Variants in COA1 observed in about 807,000 individuals in gnomAD.
COA1 encodes the protein cytochrome c oxidase assembly factor 1 homolog.
COA1 carries 13 observed loss-of-function variants against 16.0 expected under a neutral mutation model. The ratio of observed to expected loss-of-function variants is 0.81; its 90% CI spans 0.53 to 1.29. The LOEUF is 1.29. COA1 is among the 50% of genes most tolerant of loss of function. The pLI is 0.00. For missense variants in COA1, 179 were observed against 177.0 expected, an observed-to-expected ratio of 1.01 and a Z score of -0.06; for synonymous variants, 65 against 65.7, an observed-to-expected ratio of 0.99 and a Z score of 0.05.
At chr7:43,638,127 C>G (rs1281290462), downstream of COA1, among the ~76,000 whole-genome samples, 1 of 152,058 alleles carries the variant, frequency 6.6e-6, no homozygotes, top group Non-Finnish European at 1.5e-5. Context: ...ATAATCTACT[C>G]AAAGAACACA....
At chr7:43,643,445 T>A (rs1034853847) in intron 4 of COA1, among the ~76,000 whole-genome samples, 4 of 152,316 alleles carry the variant, frequency 2.6e-5, no homozygotes, top group Admixed American at 6.5e-5. Context: ...ACAGACAGGC[T>A]CCGCCACACC....
chr7:43,681,827 C>T (rs6971477), intron 1 of COA1, among the ~76,000 whole-genome samples: 88 of 152,244 alleles, frequency 5.8e-4, no homozygotes, highest in African/African-American at 2.0e-3. Flanking sequence ...TGTCTTTTAA[C>T]AGAAAATAAA....
At chr7:43,652,236 G>A (rs2090962975) in intron 1 of COA1, among the ~76,000 whole-genome samples, 1 of 152,156 alleles carries the variant, frequency 6.6e-6, no homozygotes, top group Admixed American at 6.5e-5. Flanking sequence ...ATTCCCAGCA[G>A]ACCTATTAAC....
intron 1 of COA1, 135 bp from the exon 2 acceptor site, chr7:43,648,787 G>A (rs1448598769): frequency 7.7e-6 from 5 of 646,436 alleles, no homozygotes; most frequent in Admixed American, 3.0e-5. Context: ...TCTAAAACAA[G>A]CCTTGTCTGT....
chr7:43,697,816 T>C (rs1178999502), intron 1 of COA1, among the ~76,000 whole-genome samples: 1 of 152,106 alleles, frequency 6.6e-6, no homozygotes, highest in African/African-American at 2.4e-5. Context: ...CATTCCCACA[T>C]AAATGCACTG....
At chr7:43,683,858 T>C (rs776882063) in intron 1 of COA1, among the ~76,000 whole-genome samples, 4 of 152,160 alleles carry the variant, frequency 2.6e-5, no homozygotes, top group Admixed American at 6.5e-5. Flanking sequence ...GTCACCAAAA[T>C]GCAACTTGAA....
intron 1 of COA1, among the ~76,000 whole-genome samples, chr7:43,710,396 T>TATATATATATATATATATATATA (rs1210512835): frequency 8.3e-4 from 81 of 97,260 alleles, no homozygotes; most frequent in Non-Finnish European, 1.5e-3. Flanking sequence ...ATATATATAT[T>TATATATATATATATATATATATA]TTTAAGATAT....
At chr7:43,644,705 A>AT (rs1469862568) in intron 4 of COA1, among the ~76,000 whole-genome samples, 14 of 65,642 alleles carry the variant, frequency 2.1e-4, no homozygotes, top group African/African-American at 5.2e-4. Flanking sequence ...TTATAGATAG[A>AT]TAGATTAGAT....
At chr7:43,726,193 C>T (rs1313483937) in intron 1 of COA1, among the ~76,000 whole-genome samples, 1 of 151,996 alleles carries the variant, frequency 6.6e-6, no homozygotes, top group African/African-American at 2.4e-5. Context: ...GTTAAATGAA[C>T]AAAGTTGAAG....
rs145459083 is a variant in COA1 at position 43,676,182 on chromosome 7, A to C, written c.-38-27530T>G. Among the ~76,000 whole-genome samples the C allele has an allele frequency of 7.5e-3, 1,141 of 152,338 alleles. 8 individuals are homozygous for C. The highest frequency in any genetic ancestry group is 0.011 in the Non-Finnish European group (777 of 68,018). On this transcript the variant is annotated intron_variant, in intron 1 of 5. Coordinates refer to ENST00000223336, the MANE Select transcript of COA1 (RefSeq NM_018224.4). The stretch of plus-strand genomic sequence containing the variant: ...TTGTTTTCAAAATTTTAAAAATAGG[A>C]AAGTTGCCCCTCCATCAACCTAATT...
intron 4 of COA1, among the ~76,000 whole-genome samples, chr7:43,644,799 CAGAGAGAGAG>C (rs10627279): frequency 1.7e-4 from 13 of 75,392 alleles, no homozygotes; most frequent in South Asian, 4.5e-4. Context: ...GGCAGAGAGA[CAGAGAGAGAG>C]AGAGAGAGAG....
chr7:43,657,123 CAT>C (rs1326312836), intron 1 of COA1: 2 of 152,164 alleles, frequency 1.3e-5, no homozygotes, highest in African/African-American at 2.4e-5. Context: ...CAAAGTACAA[CAT>C]GTGTGTATGT....
At chr7:43,651,609 G>A (rs2090791736) in intron 1 of COA1, among the ~76,000 whole-genome samples, 1 of 150,378 alleles carries the variant, frequency 6.6e-6, no homozygotes, top group Admixed American at 6.6e-5. Flanking sequence ...GCCATAGACA[G>A]GATCCCACAA....
chr7:43,716,198 AAGTG>A lies in COA1; in HGVS notation c.-39+13227_-39+13230del, dbSNP rs1585425336. Among the ~76,000 whole-genome samples, 3 of 152,282 alleles carry A rather than the reference AAGTG, an allele frequency of 2.0e-5. No individual in the cohort carries two copies. The South Asian group carries it at 6.2e-4, about 32-fold the overall frequency. On this transcript the variant is annotated intron_variant, in intron 1 of 5. Coordinates refer to ENST00000223336, the MANE Select transcript of COA1 (RefSeq NM_018224.4). ...CCCAAAAATGTGGAAGTGACTTTGG[AAGTG>A]AGTAACAAGCAGAGGTTGGAACAGT... is the stretch of plus-strand genomic sequence containing the variant.
downstream of COA1, among the ~76,000 whole-genome samples, chr7:43,638,294 C>T (rs575839559): frequency 6.6e-6 from 1 of 151,058 alleles, no homozygotes; most frequent in African/African-American, 2.4e-5. Context: ...GAGCTCATGG[C>T]TGTCCTTCAT....
chr7:43,627,899 A>G (rs115271145), intron 6 of COA1, among the ~76,000 whole-genome samples: 1,687 of 152,252 alleles, frequency 0.011, 28 homozygotes, highest in African/African-American at 0.037. Flanking sequence ...AGCATGCACC[A>G]TTTGGCTTCT....
chr7:43,684,790 A>T (rs2093941591), intron 1 of COA1, among the ~76,000 whole-genome samples: 1 of 152,214 alleles, frequency 6.6e-6, no homozygotes, highest in African/African-American at 2.4e-5. Context: ...AACACTCTTG[A>T]CCAGATCTGA....
At chr7:43,728,964 C>G (rs973194227) in intron 1 of COA1, among the ~76,000 whole-genome samples, 2 of 152,154 alleles carry the variant, frequency 1.3e-5, no homozygotes, top group African/African-American at 4.8e-5. Context: ...GCAGTCAGCC[C>G]CTGTTGGGAG....
intron 1 of COA1, among the ~76,000 whole-genome samples, chr7:43,715,767 A>T (rs1370015878): frequency 6.6e-6 from 1 of 152,190 alleles, no homozygotes; most frequent in Non-Finnish European, 1.5e-5. Context: ...TAGCAAGAAT[A>T]ACACTACCTG....
Sources: gnomAD v4.1 joint callset for allele counts (sites outside exome capture counted in the v4.1 genomes callset) on GRCh38, gnomAD v4.1.1 for gene constraint, MANE v1.5 for transcripts, NCBI Gene and HGNC (gene_info 2026-07-23, HGNC 2026-07-21) for gene names.